Variants in CACNA1C observed in about 807,000 individuals in gnomAD.
CACNA1C encodes the protein calcium voltage-gated channel subunit alpha1 C.
CACNA1C carries 30 observed loss-of-function variants against 229.0 expected under a neutral mutation model. The observed-to-expected ratio is 0.13, with a 90% CI of 0.10 to 0.18. CACNA1C has a LOEUF of 0.18. CACNA1C is among the 10% of genes least tolerant of loss of function. The pLI, the probability that CACNA1C is intolerant of heterozygous loss-of-function variation, is 1.00. For synonymous variants in CACNA1C, 1,114 were observed against 1,132.5 expected (o/e 0.98, Z 0.33); for missense variants, 1,658 against 2,845.0 (o/e 0.58, Z 9.49).
intron 3 of CACNA1C, among the ~76,000 whole-genome samples, chr12:2,157,414 G>T (rs1033437423): frequency 2.0e-5 from 3 of 152,200 alleles, no homozygotes; most frequent in Non-Finnish European, 4.4e-5. Context: ...AGGTCTGCAT[G>T]GGGGCACCAC....
chr12:2,463,131 G>A (rs1054980796), intron 5 of CACNA1C, among the ~76,000 whole-genome samples: 11 of 151,926 alleles, frequency 7.2e-5, no homozygotes, highest in Admixed American at 2.0e-4. Flanking sequence ...GGATGGTCTC[G>A]ATCTCCTGAC....
chr12:1,993,627 G>GTGTGT (rs1555213621), intron 1 of CACNA1C, among the ~76,000 whole-genome samples: 3 of 146,584 alleles, frequency 2.0e-5, no homozygotes, highest in African/African-American at 5.0e-5. Flanking sequence ...CTTCATTTGT[G>GTGTGT]GTGTGTGTGT....
chr12:2,688,975 T>C (rs2097668938), intron 46 of CACNA1C, among the ~76,000 whole-genome samples, 196 bp downstream of exon 46: 2 of 152,272 alleles, frequency 1.3e-5, no homozygotes, highest in East Asian at 3.9e-4. Flanking sequence ...CTATGGGCTC[T>C]CTTGAGGCTG....
At chr12:2,069,588 A>G (rs2154522781) in intron 1 of CACNA1C, among the ~76,000 whole-genome samples, 1 of 152,352 alleles carries the variant, frequency 6.6e-6, no homozygotes, top group African/African-American at 2.4e-5. Context: ...GTTATCTGTC[A>G]CATTGGCATT....
At chr12:2,396,156 T>C (rs1209623967) in intron 3 of CACNA1C, among the ~76,000 whole-genome samples, 3 of 152,090 alleles carry the variant, frequency 2.0e-5, no homozygotes, top group African/African-American at 4.8e-5. Flanking sequence ...GACACTCTGA[T>C]GGTCTTTTAG....
chr12:2,474,170 A>G (rs1312409167), intron 5 of CACNA1C, among the ~76,000 whole-genome samples: 3 of 152,228 alleles, frequency 2.0e-5, no homozygotes, highest in Admixed American at 2.0e-4. Context: ...CCCCAAAAGT[A>G]TACCTTTTTT....
intron 3 of CACNA1C, among the ~76,000 whole-genome samples, chr12:2,309,068 A>G (rs1222332418): frequency 1.3e-5 from 2 of 152,270 alleles, no homozygotes; most frequent in African/African-American, 2.4e-5. Flanking sequence ...ATTATTCACA[A>G]TAGCCAAGAT....
chr12:2,572,608 TCTCCTCTTC>T (rs2056242722), intron 13 of CACNA1C, among the ~76,000 whole-genome samples: 1 of 71,376 alleles, frequency 1.4e-5, no homozygotes, highest in Admixed American at 1.4e-4. Context: ...TCCTCCTCCT[TCTCCTCTTC>T]CTCCTCCTCC....
intron 3 of CACNA1C, among the ~76,000 whole-genome samples, chr12:2,446,895 A>G (rs1310377057): frequency 6.6e-6 from 1 of 152,112 alleles, no homozygotes; most frequent in African/African-American, 2.4e-5. Context: ...TGGGCAGGTG[A>G]TGGTGAATGG....
chr12:2,581,104 A>G (rs2060324190), intron 13 of CACNA1C, among the ~76,000 whole-genome samples: 1 of 152,162 alleles, frequency 6.6e-6, no homozygotes, highest in African/African-American at 2.4e-5. Context: ...TGGTGGGGGA[A>G]AAAAAGCTTT....
intron 3 of CACNA1C, among the ~76,000 whole-genome samples, chr12:2,234,392 C>T (rs1305895914): frequency 1.3e-5 from 2 of 152,218 alleles, no homozygotes; most frequent in African/African-American, 4.8e-5. Context: ...GAGTTGATTG[C>T]CAGGCACTCT....
intron 1 of CACNA1C, among the ~76,000 whole-genome samples, chr12:2,014,211 C>T (rs980694875): frequency 4.1e-4 from 62 of 151,966 alleles, no homozygotes; most frequent in African/African-American, 1.4e-3. Context: ...TGGTTTTGTT[C>T]GCTTTTATTA....
At chr12:1,993,658 AT>A (rs1565859137) in intron 1 of CACNA1C, among the ~76,000 whole-genome samples, 1 of 49,394 alleles carries the variant, frequency 2.0e-5, no homozygotes, top group Non-Finnish European at 4.2e-5. Flanking sequence ...GTGTGTGTGT[AT>A]ACAGATGTTG....
chr12:2,478,845 T>C (rs2099645253), intron 5 of CACNA1C, among the ~76,000 whole-genome samples: 1 of 152,160 alleles, frequency 6.6e-6, no homozygotes, highest in Non-Finnish European at 1.5e-5. Context: ...CTTCATAGGT[T>C]CTCCGTAGGT....
intron 3 of CACNA1C, among the ~76,000 whole-genome samples, chr12:2,264,470 A>T (rs2081535647): frequency 6.6e-6 from 1 of 152,192 alleles, no homozygotes; most frequent in Admixed American, 6.5e-5. Context: ...AGGTCCAGGG[A>T]GATGATGGGA....
rs917739389 is a variant in CACNA1C at position 2,152,858 on chromosome 12, T to G, written c.477+32428T>G. Among the ~76,000 whole-genome samples, 3 of 152,190 alleles carry G rather than the reference T, an allele frequency of 2.0e-5. No individual in the cohort carries two copies. Among genetic ancestry groups the G allele is most frequent in the African/African-American group, 7.2e-5 (3 of 41,444 alleles). ...GACTGGTGTGCCCGGTAGGAAAGATTGGTAGGTCCCACTGGTCCCGAGTGT... is the reference window on the plus strand; with the variant it reads ...GACTGGTGTGCCCGGTAGGAAAGATGGGTAGGTCCCACTGGTCCCGAGTGT... On this transcript the variant is annotated intron_variant, in intron 3 of 46. Transcript: ENST00000399655. The surrounding 1 kb of genome is among the most constrained non-coding windows in gnomAD (Gnocchi z 4.2).
rs1344019406 is a variant in CACNA1C at position 2,691,007 on chromosome 12, G to A, written c.6225G>A (p.Glu2075=). 1.9e-6 allele frequency: 3 copies of A among 1,599,894 alleles called. No homozygotes were observed. Among genetic ancestry groups the A allele is most frequent in the African/African-American group, 1.3e-5 (1 of 74,572 alleles). ...GCGACATGACCATAGAGGAGATGGAGAGCGCGGCCGACAACATCCTCAGCG... is the reference window on the plus strand; with the variant it reads ...GCGACATGACCATAGAGGAGATGGAAAGCGCGGCCGACAACATCCTCAGCG... ...DACDMTIEEM[E]SAADNILSGG... is the part of the protein sequence containing the mutation. The change falls in exon 47 of 47, where the codon GAG becomes GAA. Residue 2075 remains glutamate (E), a synonymous_variant. Transcript: ENST00000399655.
chr12:2,218,540 G>A (rs746458746), intron 3 of CACNA1C, among the ~76,000 whole-genome samples: 17 of 152,164 alleles, frequency 1.1e-4, no homozygotes, highest in Non-Finnish European at 2.4e-4. Flanking sequence ...TACCAAGAGC[G>A]TGGAAAGAAG....
At chr12:2,292,209 G>A (rs567730464) in intron 3 of CACNA1C, among the ~76,000 whole-genome samples, 20 of 152,342 alleles carry the variant, frequency 1.3e-4, no homozygotes, top group Non-Finnish European at 2.2e-4. Flanking sequence ...GTAGACAAGA[G>A]AAGCCTGTGC....
Sources: gnomAD v4.1 joint callset for allele counts (sites outside exome capture counted in the v4.1 genomes callset) on GRCh38, gnomAD v4.1.1 for gene constraint, Gnocchi (gnomAD v3.1) non-coding constraint, MANE v1.5 for transcripts, NCBI Gene and HGNC (gene_info 2026-07-23, HGNC 2026-07-21) for gene names.